RAB38: variants seen among roughly 807,000 people sequenced by gnomAD.
The protein encoded by RAB38 is ras-related protein Rab-38.
RAB38 carries 15 observed loss-of-function variants against 18.4 expected under a neutral mutation model. The observed-to-expected ratio is 0.82, with a 90% CI of 0.55 to 1.26. The LOEUF (loss-of-function observed/expected upper bound fraction) is 1.26. Ranked by LOEUF, RAB38 falls within the 50% of genes most tolerant of loss-of-function variation. The probability of loss-of-function intolerance (pLI) is 0.00; values close to 1 mark genes in which losing one functional copy is unlikely to be tolerated. For missense variants in RAB38, 294 were observed against 267.4 expected, an observed-to-expected ratio of 1.10 and a Z score of -0.69; for synonymous variants, 101 against 104.4, an observed-to-expected ratio of 0.97 and a Z score of 0.20.
the RAB38 span, among the ~76,000 whole-genome samples, chr11:87,944,854 G>C: frequency 4.6e-5 from 7 of 152,144 alleles, no homozygotes; most frequent in East Asian, 9.7e-4. Flanking sequence ...GTTTTTGTTT[G>C]TTTGTTTTTG....
the RAB38 span, among the ~76,000 whole-genome samples, chr11:88,087,006 A>T: frequency 6.6e-6 from 1 of 151,934 alleles, no homozygotes; most frequent in Non-Finnish European, 1.5e-5. Context: ...TCCTATAAGG[A>T]GGAGTCTTGT....
the RAB38 span, among the ~76,000 whole-genome samples, chr11:88,087,292 A>T: frequency 6.6e-6 from 1 of 151,996 alleles, no homozygotes; most frequent in East Asian, 1.9e-4. Context: ...TATTTGAAAT[A>T]CTTTATCATA....
chr11:87,873,218 C>T, the RAB38 span, among the ~76,000 whole-genome samples: 1 of 151,548 alleles, frequency 6.6e-6, no homozygotes, highest in Admixed American at 6.6e-5. Flanking sequence ...AGCATCTTTT[C>T]ATATGCTTAC....
the RAB38 span, among the ~76,000 whole-genome samples, chr11:87,910,308 G>T: frequency 6.6e-6 from 1 of 151,764 alleles, no homozygotes; most frequent in Non-Finnish European, 1.5e-5. Flanking sequence ...TTTTTCATTG[G>T]GGTTGCATGT....
the RAB38 span, among the ~76,000 whole-genome samples, chr11:87,858,045 G>T: frequency 6.6e-6 from 1 of 152,166 alleles, no homozygotes; most frequent in East Asian, 1.9e-4. Flanking sequence ...TTTGTATACG[G>T]TGTAAGGAAG....
At chr11:87,846,677 TA>T in the RAB38 span, among the ~76,000 whole-genome samples, 1 of 152,102 alleles carries the variant, frequency 6.6e-6, no homozygotes, top group African/African-American at 2.4e-5. Flanking sequence ...AAGATCTCAA[TA>T]ATTATAATGA....
At chr11:87,819,304 C>T in the RAB38 span, among the ~76,000 whole-genome samples, 2 of 152,160 alleles carry the variant, frequency 1.3e-5, no homozygotes, top group African/African-American at 4.8e-5. Context: ...CCTTTGGCTG[C>T]AGTAAATTCT....
At chr11:88,004,477 A>G in the RAB38 span, among the ~76,000 whole-genome samples, 1 of 151,258 alleles carries the variant, frequency 6.6e-6, no homozygotes, top group African/African-American at 2.4e-5. Context: ...AAGTTCCTCA[A>G]TATCATAAAG....
the RAB38 span, among the ~76,000 whole-genome samples, chr11:88,028,664 G>A: frequency 2.6e-5 from 4 of 151,552 alleles, no homozygotes; most frequent in Non-Finnish European, 5.9e-5. Context: ...TGAAGCGAGA[G>A]GAGAAGTTTA....
the RAB38 span, among the ~76,000 whole-genome samples, chr11:87,852,631 T>C: frequency 6.6e-6 from 1 of 152,150 alleles, no homozygotes; most frequent in African/African-American, 2.4e-5. Flanking sequence ...AACATAACAA[T>C]AAAATGTTAT....
the RAB38 span, among the ~76,000 whole-genome samples, chr11:87,919,772 A>G: frequency 2.0e-5 from 3 of 151,942 alleles, no homozygotes; most frequent in African/African-American, 4.8e-5. Context: ...TTGATTTACT[A>G]TGCTCTTAAC....
At chr11:87,847,509 CT>C in the RAB38 span, among the ~76,000 whole-genome samples, 1 of 152,088 alleles carries the variant, frequency 6.6e-6, no homozygotes, top group African/African-American at 2.4e-5. Flanking sequence ...AATTCTCCCT[CT>C]CTTTCAAAAC....
the RAB38 span, among the ~76,000 whole-genome samples, chr11:88,021,807 T>A: frequency 2.1e-5 from 3 of 141,882 alleles, no homozygotes; most frequent in East Asian, 6.4e-4. Context: ...CGAGCTGAGA[T>A]CATGCCACTG....
At chr11:87,858,302 A>G in the RAB38 span, among the ~76,000 whole-genome samples, 1 of 152,040 alleles carries the variant, frequency 6.6e-6, no homozygotes, top group African/African-American at 2.4e-5. Flanking sequence ...CCAGACCAGA[A>G]CCTTTGGACT....
the RAB38 span, among the ~76,000 whole-genome samples, chr11:88,059,049 C>G: frequency 6.6e-6 from 1 of 152,192 alleles, no homozygotes; most frequent in African/African-American, 2.4e-5. Context: ...TGGACTCATA[C>G]TGACCTTAAC....
the RAB38 span, among the ~76,000 whole-genome samples, chr11:87,908,028 A>G: frequency 5.9e-5 from 9 of 151,800 alleles, no homozygotes; most frequent in African/African-American, 2.2e-4. Context: ...TACTGATAAT[A>G]TTTTTTCTTC....
the RAB38 span, among the ~76,000 whole-genome samples, chr11:88,028,761 C>G: frequency 2.6e-5 from 4 of 152,166 alleles, no homozygotes; most frequent in African/African-American, 9.7e-5. Flanking sequence ...GATTGGTGTA[C>G]ATGAAAGTGA....
chr11:87,808,011 G>A, the RAB38 span, among the ~76,000 whole-genome samples: 1 of 152,192 alleles, frequency 6.6e-6, no homozygotes. Flanking sequence ...GTGTGTTGCA[G>A]AGTCTCAGCT....
the RAB38 span, among the ~76,000 whole-genome samples, chr11:88,037,423 T>C: frequency 4.1e-4 from 63 of 152,250 alleles, no homozygotes; most frequent in East Asian, 0.011. Flanking sequence ...CTTTTTAATA[T>C]ATTTTATTAA....
Sources: allele counts gnomAD v4.1 joint callset (sites outside exome capture counted in the v4.1 genomes callset), GRCh38; gene constraint gnomAD v4.1.1; transcripts MANE v1.5; gene names NCBI Gene and HGNC (gene_info 2026-07-23, HGNC 2026-07-21).